The following DSG4 variants were observed in gnomAD, a reference collection of about 807,000 sequenced individuals.
DSG4 encodes the protein desmoglein-4.
A neutral mutation model predicts 93.1 loss-of-function variants in DSG4; 87 were observed. The observed-to-expected ratio is 0.93, with a 90% CI of 0.79 to 1.12. The LOEUF (loss-of-function observed/expected upper bound fraction) is 1.12. DSG4 is among the 50% of genes most tolerant of loss of function. The probability of loss-of-function intolerance (pLI) is 0.00; values close to 1 mark genes in which losing one functional copy is unlikely to be tolerated. For synonymous variants in DSG4, 432 were observed against 452.9 expected (o/e 0.95, Z 0.59); for missense variants, 1,373 against 1,285.7 (o/e 1.07, Z -1.04).
At chr18:31,403,308 A>C in intron 10 of DSG4, 108 bp from the exon 11 acceptor site, 2 of 943,662 alleles carry the variant, frequency 2.1e-6, no homozygotes, top group Non-Finnish European at 3.3e-6. Flanking sequence ...AAGCCTCCCA[A>C]GTCACGTATA....
intron 14 of DSG4, among the ~76,000 whole-genome samples, chr18:31,410,176 G>A (rs2072470840): frequency 6.6e-6 from 1 of 151,994 alleles, no homozygotes; most frequent in Non-Finnish European, 1.5e-5. Context: ...GGAGCATTTT[G>A]GATTCTTGAT....
rs921539034 is a variant in DSG4 at position 31,387,189 on chromosome 18, G to A, written c.216+370G>A. On this transcript the variant is annotated intron_variant, in intron 3 of 15. Transcript: ENST00000308128. ...TACTGCACTAGATGAATTAACTCCA[G>A]GAAAGTAAGGATAGTATCAAAAGTT... Among the ~76,000 whole-genome samples, 6 of 152,056 alleles carry A rather than the reference G, an allele frequency of 3.9e-5. No homozygotes were observed. The South Asian group carries it at 1.2e-3, about 31-fold the overall frequency.
intron 9 of DSG4, 85 bp downstream of exon 9, chr18:31,399,628 C>A: frequency 6.4e-7 from 1 of 1,558,206 alleles, no homozygotes; most frequent in Non-Finnish European, 8.8e-7. Context: ...GGTTGTAATA[C>A]TTTTGGAGGG....
chr18:31,379,014 A>G (rs2072106412), intron 1 of DSG4, among the ~76,000 whole-genome samples: 1 of 152,186 alleles, frequency 6.6e-6, no homozygotes, highest in African/African-American at 2.4e-5. Context: ...TCAACCGCAA[A>G]GAGCACTGTA....
chr18:31,411,445 G>A lies in DSG4; in HGVS notation c.2352G>A (p.Ser784=), dbSNP rs1441356137. The A allele has an allele frequency of 2.5e-6, 4 of 1,612,158 alleles. No individual in the cohort carries two copies. Among genetic ancestry groups the A allele is most frequent in the Non-Finnish European group, 2.5e-6 (3 of 1,179,982 alleles). The change falls in exon 15 of 16, where the codon TCG becomes TCA. Residue 784 remains serine, a synonymous_variant. Transcript: ENST00000308128. ...TGGCTTTCTTGGACAGCTACTTCTCGGAGGTAATGCCCTCACAGTCACACA... is the reference window on the plus strand; with the variant it reads ...TGGCTTTCTTGGACAGCTACTTCTCAGAGGTAATGCCCTCACAGTCACACA... ...INMAFLDSYF[S]EKAYAYADED...
intron 13 of DSG4, 50 bp from the exon 14 acceptor site, chr18:31,409,695 A>G (rs1425194978): frequency 3.7e-6 from 6 of 1,614,046 alleles, no homozygotes; most frequent in Non-Finnish European, 5.1e-6. Context: ...TCAGTTTTTA[A>G]ATGTTTAACA....
chr18:31,384,720 G>A (rs1598735653), intron 1 of DSG4, among the ~76,000 whole-genome samples: 6 of 152,156 alleles, frequency 3.9e-5, no homozygotes, highest in South Asian at 2.1e-4. Flanking sequence ...TGGAACATCC[G>A]CTGACTTAGA....
In DSG4 at chr18:31,406,106, G is replaced by GT. The variant is rs757590185; in HGVS notation, c.1670dup (p.Leu557PhefsTer7). On this transcript the variant is annotated frameshift_variant, in exon 12 of 16. Coordinates refer to ENST00000308128, the MANE Select transcript of DSG4 (RefSeq NM_177986.5). LOFTEE classifies it high-confidence loss of function. Reference sequence around the variant, plus strand: ...CTCGGCAATCCTTACGGCTAAGCAGGTTTTATCTCCAGGATTTTATGAAAT... The same window carrying GT: ...CTCGGCAATCCTTACGGCTAAGCAGGTTTTTATCTCCAGGATTTTATGAAAT... The GT allele has an allele frequency of 2.5e-6, 4 of 1,613,920 alleles. No homozygotes were observed. Among genetic ancestry groups the GT allele is most frequent in the Non-Finnish European group, 2.5e-6 (3 of 1,180,022 alleles).
intron 8 of DSG4, among the ~76,000 whole-genome samples, chr18:31,392,919 A>G (rs879776208): frequency 6.6e-6 from 1 of 152,216 alleles, no homozygotes; most frequent in Non-Finnish European, 1.5e-5. Flanking sequence ...ATCAGAAGTC[A>G]GATCAGAGAA....
chr18:31,407,403 T>G (rs1189247610), intron 12 of DSG4, among the ~76,000 whole-genome samples: 1 of 152,112 alleles, frequency 6.6e-6, no homozygotes, highest in Non-Finnish European at 1.5e-5. Flanking sequence ...AAACTAAGAC[T>G]GGTCACAGAA....
chr18:31,377,963 A>C (rs1231306752), intron 1 of DSG4, among the ~76,000 whole-genome samples: 4 of 152,206 alleles, frequency 2.6e-5, no homozygotes, highest in Non-Finnish European at 4.4e-5. Flanking sequence ...AGAGACAGAG[A>C]GTAGCTAGGG....
intron 1 of DSG4, among the ~76,000 whole-genome samples, chr18:31,381,392 A>G (rs2072132907): frequency 6.6e-6 from 1 of 152,042 alleles, no homozygotes. Context: ...TAAAAAAAAA[A>G]ATGTTCATGG....
intron 12 of DSG4, 83 bp downstream of exon 12, chr18:31,406,456 G>T (rs1300209963): frequency 1.1e-5 from 17 of 1,559,204 alleles, no homozygotes; most frequent in Non-Finnish European, 1.5e-5. Flanking sequence ...TTAGGTTCAT[G>T]GAGCCATTTC....
At chr18:31,387,486 G>A (rs1488390773) in intron 3 of DSG4, among the ~76,000 whole-genome samples, 2 of 152,130 alleles carry the variant, frequency 1.3e-5, no homozygotes, top group African/African-American at 2.4e-5. Flanking sequence ...GAAAACAGAT[G>A]TATTCTCTCT....
chr18:31,392,455 A>G (rs1431821823), intron 8 of DSG4, 115 bp downstream of exon 8: 1 of 1,143,180 alleles, frequency 8.7e-7, no homozygotes. Flanking sequence ...AACTTTGAAT[A>G]TTGTTTATAT....
At chr18:31,385,068 G>A in intron 1 of DSG4, 68 bp from the exon 2 acceptor site, 1 of 1,308,618 alleles carries the variant, frequency 7.6e-7, no homozygotes, top group Non-Finnish European at 1.1e-6. Context: ...TATTGTCAAT[G>A]TTTTTATGAC....
intron 5 of DSG4, among the ~76,000 whole-genome samples, chr18:31,389,315 G>C (rs1446922932): frequency 2.6e-5 from 4 of 152,098 alleles, no homozygotes; most frequent in Non-Finnish European, 5.9e-5. Flanking sequence ...CGAGCAAACT[G>C]AGGAATAAAC....
intron 3 of DSG4, 23 bp downstream of exon 3, chr18:31,386,842 G>A (rs552571097): frequency 1.2e-6 from 2 of 1,612,562 alleles, no homozygotes; most frequent in South Asian, 1.1e-5. Context: ...GCAATCTGAT[G>A]ACAAATGCTT....
chr18:31,395,106 G>A (rs2072291807), intron 8 of DSG4, among the ~76,000 whole-genome samples: 1 of 151,902 alleles, frequency 6.6e-6, no homozygotes, highest in Non-Finnish European at 1.5e-5. Context: ...GAAACTAATG[G>A]CATAGATATC....
Sources: gnomAD v4.1 joint callset for allele counts (sites outside exome capture counted in the v4.1 genomes callset) on GRCh38, gnomAD v4.1.1 for gene constraint, MANE v1.5 for transcripts, NCBI Gene and HGNC (gene_info 2026-07-23, HGNC 2026-07-21) for gene names.